Variants in TRPM5 observed in about 807,000 individuals in gnomAD.
TRPM5 encodes transient receptor potential cation channel subfamily M member 5.
A neutral mutation model predicts 124.9 loss-of-function variants in TRPM5; 121 were observed. The ratio of observed to expected loss-of-function variants is 0.97; its 90% CI spans 0.84 to 1.13. The LOEUF (loss-of-function observed/expected upper bound fraction) is 1.13, where lower values mean the gene tolerates loss of function less well. Ranked by LOEUF, TRPM5 falls within the 50% of genes most tolerant of loss-of-function variation. TRPM5 has a pLI of 0.00. For synonymous variants in TRPM5, 781 were observed against 700.5 expected (o/e 1.11, Z -1.81); for missense variants, 1,643 against 1,589.1 (o/e 1.03, Z -0.58).
At chr11:2,411,899 C>T (rs781684503) in intron 16 of TRPM5, 132 bp from the exon 22 acceptor site, 452 of 1,156,760 alleles carry the variant, frequency 3.9e-4, no homozygotes, top group Non-Finnish European at 5.2e-4. Context: ...GTGGCTTCAT[C>T]TTTTGTTTAT....
chr11:2,414,009 G>GGGGGCCCCCCCCCCCCCCCCCCCCCCCAC, intron 12 of TRPM5, 52 bp downstream of exon 17: 1 of 1,023,734 alleles, frequency 9.8e-7, no homozygotes, highest in Non-Finnish European at 1.4e-6. Flanking sequence ...GGCCCAGCTC[G>GGGGGCCCCCCCCCCCCCCCCCCCCCCCAC]CCCGCCCACC....
chr11:2,437,296 GGA>G, the TRPM5 span, among the ~76,000 whole-genome samples: 2 of 152,198 alleles, frequency 1.3e-5, no homozygotes, highest in African/African-American at 4.8e-5. The surrounding 1 kb of genome is among the most constrained non-coding windows in gnomAD (Gnocchi z 5.6). Context: ...CTGTGAATTG[GGA>G]GACAGGTCAT....
At chr11:2,412,300 G>T (rs761384514) in intron 15 of TRPM5, 47 bp from the exon 21 acceptor site, 10 of 1,328,764 alleles carry the variant, frequency 7.5e-6, no homozygotes, top group Non-Finnish European at 1.1e-5. Flanking sequence ...AGCCGCCCTC[G>T]CTGGGGACAG....
At chr11:2,432,792 T>C in the TRPM5 span, among the ~76,000 whole-genome samples, 1 of 152,360 alleles carries the variant, frequency 6.6e-6, no homozygotes, top group South Asian at 2.1e-4. Flanking sequence ...CATCTCCCTC[T>C]GAACCACACA....
intron 7 of TRPM5, among the ~76,000 whole-genome samples, chr11:2,416,946 G>A (rs768643749): frequency 1.5e-4 from 23 of 152,162 alleles, no homozygotes; most frequent in Admixed American, 1.0e-3. Context: ...GCTTCAACAC[G>A]GAGGAACCGT....
At chr11:2,433,979 GTCTGTGTGGA>G in the TRPM5 span, among the ~76,000 whole-genome samples, 7 of 152,172 alleles carry the variant, frequency 4.6e-5, no homozygotes, top group South Asian at 1.0e-3. Flanking sequence ...GACTGTATGT[GTCTGTGTGGA>G]TCTGTGTGGA....
rs370655526 is a variant in TRPM5, at chr11:2,418,716, G to A, written c.650-125C>T. 2,621 of 960,272 alleles carry A rather than the reference G, an allele frequency of 2.7e-3. 74 individuals carry two copies. The South Asian group carries it at 0.04, about 15-fold the overall frequency. 59.5% of individuals were successfully genotyped at this position (960,272 alleles called of 1,614,324 possible). On this transcript the variant is annotated intron_variant, in intron 4 of 23. Transcript: ENST00000155858. Reference sequence around the variant, plus strand: ...CTCTTCCGAATAAAGTGTGGGCTTCGTCTGGGCCACGTGACACAGGCTGCT... The same window carrying A: ...CTCTTCCGAATAAAGTGTGGGCTTCATCTGGGCCACGTGACACAGGCTGCT...
chr11:2,418,668 C>T, intron 4 of TRPM5, 77 bp from the exon 10 acceptor site: 3 of 1,453,254 alleles, frequency 2.1e-6, no homozygotes, highest in Non-Finnish European at 2.8e-6. Context: ...CTCAGGCCAC[C>T]ACATTTTCTG....
rs149418735 is a variant in TRPM5, at chr11:2,412,856, G to A, written c.2253C>T (p.Tyr751=). Residue 751 remains tyrosine (Y), a synonymous_variant, in exon 15 of 24, where the codon TAC becomes TAT. Coordinates refer to ENST00000155858, the Ensembl canonical transcript of TRPM5. ...GCGGCCTGAAGTCCACCAGCAGGAC[G>A]TAGGTGAACAGGAAGAGGAAGGCGA... The A allele has an allele frequency of 8.5e-4, 1,355 of 1,601,386 alleles. 4 individuals carry two copies. The highest frequency in any genetic ancestry group is 1.8e-3 in the Middle Eastern group (11 of 6,054).
intron 18 of TRPM5, among the ~76,000 whole-genome samples, chr11:2,411,072 C>T (rs1031237304): frequency 1.3e-5 from 2 of 152,168 alleles, no homozygotes; most frequent in Non-Finnish European, 2.9e-5. Context: ...GGAGGCAGCC[C>T]TGGCTGCCTT....
At chr11:2,414,159 G>T (rs1242796161) in exon 12 of TRPM5, 2 of 1,609,666 alleles carry the variant, frequency 1.2e-6, no homozygotes, top group South Asian at 2.2e-5. Context: ...CGCACCAGCA[G>T]GGCGAAGGCG....
exon 24 of TRPM5, chr11:2,404,972 G>C: frequency 6.2e-7 from 1 of 1,612,714 alleles, no homozygotes; most frequent in Non-Finnish European, 8.5e-7. Flanking sequence ...GCCCCGGGTT[G>C]TTCCCAGCCA....
chr11:2,407,924 G>C lies in TRPM5; in HGVS notation c.2783-12C>G. 6.2e-7 allele frequency: 1 copy of C among 1,612,450 alleles called. No individual in the cohort carries two copies. The highest frequency in any genetic ancestry group is 1.3e-5 in the African/African-American group (1 of 75,042). On this transcript the variant is annotated splice_polypyrimidine_tract_variant and intron_variant, in intron 18 of 23. Transcript: ENST00000155858. Reference sequence around the variant, plus strand: ...GTTCACACGGGCTTCTGGAAAGCAAGGGTGCTGTGGGGACCAGACCGGGGG... The same window carrying C: ...GTTCACACGGGCTTCTGGAAAGCAACGGTGCTGTGGGGACCAGACCGGGGG...
Position 2,407,109 on chromosome 11 carries a change from T to C in TRPM5, c.3118+10A>G. 4.5e-6 allele frequency: 7 copies of C among 1,569,764 alleles called. No individual in the cohort carries two copies. Among genetic ancestry groups the C allele is most frequent in the Non-Finnish European group, 6.0e-6 (7 of 1,160,886 alleles). ...CTCACCCAGGTGCTCCCGCTTGTGC[T>C]CGGCCTCACCCAGGTGCTCCCGCTT... On this transcript the variant is annotated intron_variant, in intron 20 of 23. Transcript: ENST00000155858.
At chr11:2,418,804 C>T (rs1037642317) in intron 4 of TRPM5, among the ~76,000 whole-genome samples, 5 of 152,332 alleles carry the variant, frequency 3.3e-5, no homozygotes, top group East Asian at 1.9e-4. Flanking sequence ...ACCCAGCACG[C>T]GCACTTTGTG....
chr11:2,429,829 G>A, the TRPM5 span, among the ~76,000 whole-genome samples: 3 of 152,062 alleles, frequency 2.0e-5, no homozygotes, highest in African/African-American at 4.8e-5. The surrounding 1 kb of genome is among the most constrained non-coding windows in gnomAD (Gnocchi z 8.4). Context: ...TGTCAAAGGC[G>A]GGACCAGGTG....
At chr11:2,425,361 G>T (rs958111359), upstream of TRPM5, among the ~76,000 whole-genome samples, 1 of 152,138 alleles carries the variant, frequency 6.6e-6, no homozygotes, top group Admixed American at 6.5e-5. Context: ...GGCTGTGGCC[G>T]CGTGGCTCCA....
chr11:2,427,520 C>G (rs1845848876), upstream of TRPM5, among the ~76,000 whole-genome samples: 1 of 152,250 alleles, frequency 6.6e-6, no homozygotes, highest in Non-Finnish European at 1.5e-5. Context: ...AGGGCACCAC[C>G]TCACCTGCTC....
rs138622817 is a variant in TRPM5 at position 2,406,211 on chromosome 11, C to T, written c.3252-120G>A. 8.3e-4 allele frequency: 872 copies of T among 1,050,530 alleles called. 5 individuals carry two copies. The African/African-American group carries it at 0.011, about 14-fold the overall frequency. The allele number at this position is 1,050,530 out of a possible 1,614,324, so 65.1% of individuals were successfully genotyped here. ...AGTTTGGGGTGCCCTGGCCCTTTCC[C>T]TTCCTCCCTCATGCCCAGATCTGGT... is the stretch of plus-strand genomic sequence containing the variant. On this transcript the variant is annotated intron_variant, in intron 21 of 23. Transcript: ENST00000155858.
Sources: allele counts gnomAD v4.1 joint callset (sites outside exome capture counted in the v4.1 genomes callset), GRCh38; gene constraint gnomAD v4.1.1; non-coding constraint Gnocchi (gnomAD v3.1); transcripts MANE v1.5; gene names NCBI Gene and HGNC (gene_info 2026-07-23, HGNC 2026-07-21).